Variants in SH3BGRL2 observed in about 807,000 individuals in gnomAD.
SH3BGRL2 encodes SH3 domain-binding glutamic acid-rich-like protein 2.
SH3BGRL2 carries 21 observed loss-of-function variants against 14.8 expected under a neutral mutation model. The observed-to-expected ratio is 1.42, with a 90% CI of 1.01 to 2.05. SH3BGRL2 has a LOEUF of 2.05. Ranked by LOEUF, SH3BGRL2 falls within the 30% of genes most tolerant of loss-of-function variation. The pLI is 0.00. For missense variants in SH3BGRL2, 147 were observed against 130.8 expected, an observed-to-expected ratio of 1.12 and a Z score of -0.61; for synonymous variants, 50 against 47.8, an observed-to-expected ratio of 1.05 and a Z score of -0.19.
chr6:79,642,803 T>C (rs1262871436), intron 1 of SH3BGRL2, among the ~76,000 whole-genome samples: 2 of 152,022 alleles, frequency 1.3e-5, no homozygotes, highest in Admixed American at 6.6e-5. Flanking sequence ...TTGGTGGGGG[T>C]TGGGGACAGT....
the SH3BGRL2 span, among the ~76,000 whole-genome samples, chr6:79,599,480 A>G: frequency 1.3e-5 from 2 of 150,974 alleles, no homozygotes; most frequent in African/African-American, 2.4e-5. Flanking sequence ...AAGCAATTCT[A>G]CTGCCTCAGC....
chr6:79,643,623 T>A (rs915545713), intron 1 of SH3BGRL2, among the ~76,000 whole-genome samples: 3 of 152,228 alleles, frequency 2.0e-5, no homozygotes, highest in Non-Finnish European at 4.4e-5. Flanking sequence ...GGGCTTGCAT[T>A]TGTTATTTGT....
chr6:79,567,706 A>G, the SH3BGRL2 span, among the ~76,000 whole-genome samples: 1 of 152,230 alleles, frequency 6.6e-6, no homozygotes, highest in African/African-American at 2.4e-5. Flanking sequence ...AAAAAGATTT[A>G]AAAAAGAGGC....
chr6:79,631,764 G>C (rs184601069), intron 1 of SH3BGRL2, among the ~76,000 whole-genome samples: 1 of 152,344 alleles, frequency 6.6e-6, no homozygotes, highest in African/African-American at 2.4e-5. Flanking sequence ...TGGAGTCCGA[G>C]GGAAGCCCCC....
chr6:79,651,178 A>C (rs1769284784), intron 1 of SH3BGRL2, among the ~76,000 whole-genome samples: 1 of 152,266 alleles, frequency 6.6e-6, no homozygotes, highest in East Asian at 1.9e-4. Flanking sequence ...GAGTCCTGCA[A>C]TTCTTGTCTA....
the SH3BGRL2 span, among the ~76,000 whole-genome samples, chr6:79,616,640 A>G: frequency 1.4e-4 from 22 of 152,302 alleles, no homozygotes; most frequent in Admixed American, 1.2e-3. Flanking sequence ...TTCAGAGCTC[A>G]TTCTCTTACT....
intron 1 of SH3BGRL2, 152 bp downstream of exon 1, chr6:79,631,658 A>C: frequency 1.4e-5 from 3 of 218,796 alleles, no homozygotes; most frequent in Non-Finnish European, 2.5e-5. Context: ...TCCGACAACA[A>C]TGAAGAGGGC....
At chr6:79,579,756 A>C in the SH3BGRL2 span, among the ~76,000 whole-genome samples, 1 of 152,304 alleles carries the variant, frequency 6.6e-6, no homozygotes, top group East Asian at 1.9e-4. Context: ...TGGCAAAATA[A>C]CCAGCGAACA....
intron 2 of SH3BGRL2, among the ~76,000 whole-genome samples, chr6:79,686,245 A>G (rs1029535631): frequency 1.3e-5 from 2 of 152,198 alleles, no homozygotes; most frequent in Non-Finnish European, 2.9e-5. Flanking sequence ...TCAGCAGTTA[A>G]TAGGACTGCT....
chr6:79,650,720 C>G (rs990022672), intron 1 of SH3BGRL2, among the ~76,000 whole-genome samples: 17 of 151,884 alleles, frequency 1.1e-4, no homozygotes, highest in African/African-American at 4.1e-4. Context: ...CCCCATGACT[C>G]AAAAACTTCC....
chr6:79,631,721 G>A (rs556537230), intron 1 of SH3BGRL2, among the ~76,000 whole-genome samples: 2 of 152,352 alleles, frequency 1.3e-5, no homozygotes, highest in East Asian at 3.9e-4. Flanking sequence ...CCCACCCTGC[G>A]TGGCCTGAAA....
At chr6:79,545,383 A>T in the SH3BGRL2 span, among the ~76,000 whole-genome samples, 1 of 152,166 alleles carries the variant, frequency 6.6e-6, no homozygotes, top group African/African-American at 2.4e-5. Context: ...ATGCTTTATT[A>T]CTCAGGTGAC....
At chr6:79,659,560 G>A (rs1274258224) in intron 1 of SH3BGRL2, among the ~76,000 whole-genome samples, 1 of 152,320 alleles carries the variant, frequency 6.6e-6, no homozygotes, top group African/African-American at 2.4e-5. Flanking sequence ...ATAATTTGAA[G>A]TCAGGTAGCG....
the SH3BGRL2 span, among the ~76,000 whole-genome samples, chr6:79,620,283 T>C: frequency 6.6e-6 from 1 of 152,126 alleles, no homozygotes; most frequent in Non-Finnish European, 1.5e-5. Context: ...TAAAAAATGG[T>C]GGATAAATTA....
chr6:79,558,982 T>A, the SH3BGRL2 span, among the ~76,000 whole-genome samples: 1 of 152,182 alleles, frequency 6.6e-6, no homozygotes, highest in East Asian at 1.9e-4. Flanking sequence ...GAAGCCAGGC[T>A]GAGGGGAACT....
At position 79,663,060 on chromosome 6, in the gene SH3BGRL2, A is replaced by C. The variant is rs185282485; in HGVS notation, c.46-10554A>C. 2.3e-3 allele frequency among the ~76,000 whole-genome samples: 344 copies of C among 152,012 alleles called. 1 individual carries two copies. Among genetic ancestry groups the C allele is most frequent in the African/African-American group, 8.0e-3 (332 of 41,446 alleles). The stretch of plus-strand genomic sequence containing the variant: ...TTAGCCATTTGTCTAACCTTTTTTC[A>C]AGGTTTTTAGCTTCCTTGCGAAGGG... On this transcript the variant is annotated intron_variant, in intron 1 of 3. Coordinates refer to ENST00000369838, the MANE Select transcript of SH3BGRL2 (RefSeq NM_031469.4).
the SH3BGRL2 span, among the ~76,000 whole-genome samples, chr6:79,618,690 G>T: frequency 2.6e-5 from 4 of 151,674 alleles, no homozygotes; most frequent in South Asian, 2.1e-4. Context: ...TGGCCAAGGC[G>T]GGTGGATCAC....
At chr6:79,641,151 TG>T (rs1769026284) in intron 1 of SH3BGRL2, among the ~76,000 whole-genome samples, 3 of 6,066 alleles carry the variant, frequency 4.9e-4, no homozygotes, top group South Asian at 0.017. Flanking sequence ...CTCACCCTTT[TG>T]TGTGTGTGTG....
chr6:79,600,067 C>T, the SH3BGRL2 span, among the ~76,000 whole-genome samples: 1 of 152,122 alleles, frequency 6.6e-6, no homozygotes, highest in Non-Finnish European at 1.5e-5. Context: ...CATCTTATCA[C>T]CAGACACCTG....
Sources: gnomAD v4.1 joint callset for allele counts (sites outside exome capture counted in the v4.1 genomes callset) on GRCh38, gnomAD v4.1.1 for gene constraint, MANE v1.5 for transcripts, NCBI Gene and HGNC (gene_info 2026-07-23, HGNC 2026-07-21) for gene names.